The following FCHSD2 variants were observed in gnomAD, a reference collection of about 807,000 sequenced individuals.
FCHSD2 encodes F-BAR and double SH3 domains protein 2.
A neutral mutation model predicts 108.1 loss-of-function variants in FCHSD2; 38 were observed. That is an observed-to-expected ratio of 0.35 (90% CI 0.27 to 0.46). The LOEUF (loss-of-function observed/expected upper bound fraction) is 0.46. Ranked by LOEUF, FCHSD2 falls within the 20% of genes least tolerant of loss-of-function variation. FCHSD2 has a pLI of 1.00. For missense variants in FCHSD2, 751 were observed against 897.8 expected (o/e 0.84, Z 2.09); for synonymous variants, 279 against 314.7 (o/e 0.89, Z 1.20).
At chr11:72,957,193 C>T (rs1259385750) in intron 8 of FCHSD2, among the ~76,000 whole-genome samples, 1 of 115,538 alleles carries the variant, frequency 8.7e-6, no homozygotes, top group African/African-American at 3.3e-5. Context: ...CTCCCCCCAC[C>T]CCACCACAGT....
intron 6 of FCHSD2, among the ~76,000 whole-genome samples, chr11:72,988,473 T>C (rs547468426): frequency 1.3e-5 from 2 of 152,304 alleles, no homozygotes; most frequent in South Asian, 4.1e-4. Context: ...TACACTAGAT[T>C]TTTGTGTAAA....
chr11:73,113,975 T>C (rs913092168), intron 2 of FCHSD2, among the ~76,000 whole-genome samples: 9 of 152,076 alleles, frequency 5.9e-5, no homozygotes, highest in African/African-American at 1.7e-4. Flanking sequence ...GGCTCTACAA[T>C]CAGCAGGTGA....
intron 9 of FCHSD2, among the ~76,000 whole-genome samples, chr11:72,919,332 T>A (rs1174587619): frequency 1.3e-5 from 2 of 152,208 alleles, no homozygotes; most frequent in Non-Finnish European, 2.9e-5. Flanking sequence ...ATCTCATTTA[T>A]TCCTCATTTC....
chr11:72,925,399 G>C (rs1856056562), intron 8 of FCHSD2, among the ~76,000 whole-genome samples: 1 of 152,114 alleles, frequency 6.6e-6, no homozygotes, highest in Non-Finnish European at 1.5e-5. Context: ...AGTGACTTGT[G>C]CCTATGATCT....
intron 4 of FCHSD2, among the ~76,000 whole-genome samples, chr11:73,011,572 A>G (rs996539218): frequency 1.3e-5 from 2 of 152,180 alleles, no homozygotes; most frequent in Admixed American, 6.5e-5. Flanking sequence ...GCTCTAAAAT[A>G]GTGCCTTGCT....
At position 72,859,385 on chromosome 11, in the gene FCHSD2, A is replaced by C. The variant is rs1861512532; in HGVS notation, c.1308+8480T>G. Reference sequence around the variant, plus strand: ...TCGGTTATCCCAATTGACTGTCACCATATCACGGTGCTTGTGTTCAAGTAG... The same window carrying C: ...TCGGTTATCCCAATTGACTGTCACCCTATCACGGTGCTTGTGTTCAAGTAG... On this transcript the variant is annotated intron_variant, in intron 13 of 19. Coordinates refer to ENST00000409418, the MANE Select transcript of FCHSD2 (RefSeq NM_014824.3). Among the ~76,000 whole-genome samples the C allele has an allele frequency of 5.3e-5, 8 of 152,148 alleles. No individual in the cohort carries two copies. In the South Asian group the frequency reaches 1.0e-3, roughly 20 times the overall value.
intron 8 of FCHSD2, among the ~76,000 whole-genome samples, chr11:72,977,373 A>G (rs909130141): frequency 2.0e-5 from 3 of 152,240 alleles, no homozygotes; most frequent in Non-Finnish European, 4.4e-5. Context: ...ACAGCAAAGT[A>G]AACAATCAAC....
At chr11:72,839,824 G>A (rs891440951) in intron 19 of FCHSD2, among the ~76,000 whole-genome samples, 6 of 152,156 alleles carry the variant, frequency 3.9e-5, no homozygotes, top group Non-Finnish European at 7.3e-5. Context: ...GCATATAAAT[G>A]GTTATCATAG....
At chr11:72,948,667 A>AT (rs1417785087) in intron 8 of FCHSD2, among the ~76,000 whole-genome samples, 1 of 65,092 alleles carries the variant, frequency 1.5e-5, no homozygotes, top group Non-Finnish European at 2.7e-5. Context: ...CATAATTTTC[A>AT]TTTCTTTTTT....
chr11:73,022,000 G>A (rs774956920), intron 3 of FCHSD2, among the ~76,000 whole-genome samples: 4 of 151,760 alleles, frequency 2.6e-5, no homozygotes, highest in African/African-American at 4.8e-5. Context: ...AGAATGAGAT[G>A]GGAGGATCAC....
chr11:72,851,258 A>G (rs1201099412), intron 13 of FCHSD2, among the ~76,000 whole-genome samples: 1 of 152,156 alleles, frequency 6.6e-6, no homozygotes, highest in Non-Finnish European at 1.5e-5. Context: ...TGATCTAGCA[A>G]TTCCGCTTTT....
chr11:73,130,721 A>G (rs117824058), intron 2 of FCHSD2, among the ~76,000 whole-genome samples: 132 of 152,324 alleles, frequency 8.7e-4, no homozygotes, highest in Non-Finnish European at 1.6e-3. Context: ...CTCTCAAACT[A>G]TATTTCCTTC....
chr11:73,128,975 G>A (rs975307305), intron 2 of FCHSD2, among the ~76,000 whole-genome samples: 4 of 152,102 alleles, frequency 2.6e-5, no homozygotes, highest in African/African-American at 7.2e-5. Flanking sequence ...GGGTTCAAGC[G>A]ATTCTCCTGC....
chr11:72,877,513 G>C (rs1244958868), intron 12 of FCHSD2, among the ~76,000 whole-genome samples: 2 of 152,002 alleles, frequency 1.3e-5, no homozygotes, highest in African/African-American at 2.4e-5. Context: ...TTTTACCCCA[G>C]ATTAATATTG....
At chr11:72,930,152 C>CT (rs1437919855) in intron 8 of FCHSD2, among the ~76,000 whole-genome samples, 12 of 152,110 alleles carry the variant, frequency 7.9e-5, no homozygotes, top group Non-Finnish European at 7.4e-5. Context: ...GGAAAAAGCA[C>CT]TTAGGGCATA....
chr11:72,956,655 T>A (rs1056217660), intron 8 of FCHSD2, among the ~76,000 whole-genome samples: 16 of 152,028 alleles, frequency 1.1e-4, no homozygotes, highest in Admixed American at 9.8e-4. Flanking sequence ...GGGCAAGAGG[T>A]CTCTCTGGGA....
At chr11:72,847,502 C>T (rs765366876) in intron 14 of FCHSD2, among the ~76,000 whole-genome samples, 62 of 152,128 alleles carry the variant, frequency 4.1e-4, no homozygotes, top group Non-Finnish European at 6.2e-4. Context: ...GGACCTTTAG[C>T]GGGGAGTCAA....
intron 2 of FCHSD2, among the ~76,000 whole-genome samples, chr11:73,124,553 C>T (rs1321379275): frequency 2.0e-5 from 3 of 151,962 alleles, no homozygotes; most frequent in African/African-American, 7.3e-5. Flanking sequence ...GTCAGGAGTT[C>T]GAGACCAGCC....
intron 8 of FCHSD2, among the ~76,000 whole-genome samples, chr11:72,946,526 C>A (rs898257071): frequency 6.6e-6 from 1 of 152,034 alleles, no homozygotes; most frequent in South Asian, 2.1e-4. Context: ...GCACACGTAC[C>A]CTAAAACTTA....
Sources: gnomAD v4.1 joint callset for allele counts (sites outside exome capture counted in the v4.1 genomes callset) on GRCh38, gnomAD v4.1.1 for gene constraint, MANE v1.5 for transcripts, NCBI Gene and HGNC (gene_info 2026-07-23, HGNC 2026-07-21) for gene names.